The following SHANK2 variants were observed in gnomAD, a reference collection of about 807,000 sequenced individuals.
The protein encoded by SHANK2 is SH3 and multiple ankyrin repeat domains protein 2.
Under a neutral mutation model 133.7 loss-of-function variants are expected in SHANK2, and 43 were observed. The observed-to-expected ratio is 0.32, with a 90% CI of 0.25 to 0.41. The LOEUF (loss-of-function observed/expected upper bound fraction) is 0.41. SHANK2 is among the 10% of genes least tolerant of loss of function. The pLI, the probability that SHANK2 is intolerant of heterozygous loss-of-function variation, is 1.00. For synonymous variants in SHANK2, 1,017 were observed against 952.8 expected, an observed-to-expected ratio of 1.07 and a Z score of -1.24; for missense variants, 1,994 against 2,235.8, an observed-to-expected ratio of 0.89 and a Z score of 2.18.
chr11:70,572,188 C>T (rs1167924935), intron 17 of SHANK2, among the ~76,000 whole-genome samples: 1 of 152,266 alleles, frequency 6.6e-6, no homozygotes, highest in Non-Finnish European at 1.5e-5. Context: ...GAGACGGAGT[C>T]TCACTCTGTC....
At chr11:70,718,698 C>CTATTTTTTT (rs1348392187) in intron 14 of SHANK2, among the ~76,000 whole-genome samples, 1 of 80,910 alleles carries the variant, frequency 1.2e-5, no homozygotes, top group Non-Finnish European at 2.2e-5. Flanking sequence ...AGAGCTCATT[C>CTATTTTTTT]TCTTTTTTTT....
At chr11:70,904,387 C>A (rs892074572) in intron 10 of SHANK2, among the ~76,000 whole-genome samples, 5 of 152,170 alleles carry the variant, frequency 3.3e-5, no homozygotes, top group Non-Finnish European at 7.3e-5. Context: ...CACCCTCAGC[C>A]TCTGAGGAAC....
chr11:70,693,475 C>T (rs1329522366), intron 15 of SHANK2, among the ~76,000 whole-genome samples: 1 of 152,186 alleles, frequency 6.6e-6, no homozygotes, highest in African/African-American at 2.4e-5. Context: ...GTCACTTCTT[C>T]AGGGAGACAC....
rs541796535 is a variant in SHANK2, at chr11:71,205,528, C to T, written c.-13+19169G>A. 7.9e-5 allele frequency among the ~76,000 whole-genome samples: 12 copies of T among 152,320 alleles called. No homozygotes were observed. In the South Asian group the frequency reaches 1.7e-3, roughly 21 times the overall value. On this transcript the variant is annotated intron_variant, in intron 2 of 25. Transcript: ENST00000601538. ...GTGCCAGGAGACCCACGTGCCAGGA[C>T]GGAGAGTCCCCTTCAGCCTCCTTCC... is the stretch of plus-strand genomic sequence containing the variant.
In SHANK2 at chr11:70,558,784, C is replaced by T. The variant is rs374229226; in HGVS notation, c.2062-55853G>A. On this transcript the variant is annotated intron_variant, in intron 17 of 25. Transcript: ENST00000601538. ...AGAAAGACACACTGACGGCCCAGAGCGCAGGGATGAGGCAGCTACAGGAGA... is the reference window on the plus strand; with the variant it reads ...AGAAAGACACACTGACGGCCCAGAGTGCAGGGATGAGGCAGCTACAGGAGA... Among the ~76,000 whole-genome samples the T allele has an allele frequency of 8.7e-4, 132 of 152,262 alleles. 1 individual carries two copies. Among genetic ancestry groups the T allele is most frequent in the African/African-American group, 3.1e-3 (127 of 41,554 alleles).
intron 17 of SHANK2, among the ~76,000 whole-genome samples, chr11:70,655,898 C>T (rs1555011468): frequency 1.3e-5 from 2 of 152,182 alleles, no homozygotes; most frequent in Non-Finnish European, 2.9e-5. Flanking sequence ...ATGCCCAGCT[C>T]TCGCCTCATG....
intron 14 of SHANK2, among the ~76,000 whole-genome samples, chr11:70,782,332 C>T (rs1555045353): frequency 6.6e-6 from 1 of 152,248 alleles, no homozygotes; most frequent in African/African-American, 2.4e-5. Context: ...GCTGGGATTA[C>T]AGGCGTGAGC....
At chr11:70,682,589 A>G (rs1945051943) in intron 15 of SHANK2, among the ~76,000 whole-genome samples, 1 of 152,226 alleles carries the variant, frequency 6.6e-6, no homozygotes, top group Non-Finnish European at 1.5e-5. Flanking sequence ...CATTCTTTGA[A>G]TATCTTGAGA....
chr11:70,763,963 C>T (rs372740223), intron 14 of SHANK2, among the ~76,000 whole-genome samples: 4 of 152,230 alleles, frequency 2.6e-5, no homozygotes, highest in East Asian at 1.9e-4. Flanking sequence ...GAAATCATAC[C>T]ACATTAAACT....
chr11:70,500,189 A>G lies in SHANK2; in HGVS notation c.2308+381T>C, dbSNP rs1159141938. On this transcript the variant is annotated intron_variant, in intron 21 of 25. Transcript: ENST00000601538. This position sits in a 1 kb window ranked among gnomAD's most constrained non-coding sequence, Gnocchi z 4.5. ...GGGAATGGGTGATTTCCGGGCCTTA[A>G]AGGGAGGCAGTTCCTGCCCACCACA... Among the ~76,000 whole-genome samples the G allele has an allele frequency of 1.3e-5, 2 of 152,040 alleles. No homozygotes were observed. Among genetic ancestry groups the G allele is most frequent in the Admixed American group, 1.3e-4 (2 of 15,254 alleles).
intron 8 of SHANK2, among the ~76,000 whole-genome samples, chr11:71,076,335 G>T (rs1011687977): frequency 4.0e-4 from 61 of 152,224 alleles, no homozygotes; most frequent in African/African-American, 1.3e-3. Flanking sequence ...CCAGGAAGGG[G>T]TTCTCATGAA....
At chr11:70,645,443 C>T (rs781964985) in intron 17 of SHANK2, among the ~76,000 whole-genome samples, 10 of 152,100 alleles carry the variant, frequency 6.6e-5, no homozygotes, top group Non-Finnish European at 1.3e-4. Flanking sequence ...AAAAACTGAA[C>T]AACAAATCAG....
intron 20 of SHANK2, among the ~76,000 whole-genome samples, chr11:70,501,446 G>C (rs559377589): frequency 1.3e-5 from 2 of 152,232 alleles, no homozygotes; most frequent in South Asian, 2.1e-4. Context: ...GCGGGGGCTC[G>C]TTTCTGCGCC....
At chr11:71,141,827 T>C (rs1211217536) in intron 3 of SHANK2, among the ~76,000 whole-genome samples, 1 of 152,068 alleles carries the variant, frequency 6.6e-6, no homozygotes, top group Non-Finnish European at 1.5e-5. Flanking sequence ...CCATGCACTA[T>C]GCGAACCAAC....
chr11:70,899,243 C>T (rs370375838), intron 10 of SHANK2, among the ~76,000 whole-genome samples: 29 of 152,174 alleles, frequency 1.9e-4, no homozygotes, highest in African/African-American at 6.7e-4. Flanking sequence ...GTGGTTTCCC[C>T]GTGCTGTTCT....
intron 11 of SHANK2, among the ~76,000 whole-genome samples, chr11:70,839,171 G>A (rs1221560421): frequency 6.6e-6 from 1 of 152,230 alleles, no homozygotes; most frequent in African/African-American, 2.4e-5. Context: ...ATTCAGTAAA[G>A]TGGGGGAGAA....
intron 17 of SHANK2, among the ~76,000 whole-genome samples, chr11:70,593,136 G>C (rs2060349309): frequency 6.6e-6 from 1 of 152,176 alleles, no homozygotes; most frequent in Non-Finnish European, 1.5e-5. Context: ...TTTCCAACAT[G>C]AACGCACACT....
Position 70,787,573 on chromosome 11 carries a change from C to T in SHANK2, c.1777+10870G>A, listed in dbSNP as rs1270289253. 2.0e-5 allele frequency among the ~76,000 whole-genome samples: 3 copies of T among 152,092 alleles called. No homozygotes were observed. The East Asian group carries it at 5.8e-4, about 29-fold the overall frequency. ...TCACCATGACCATCACCATGACCAC[C>T]ACCACCAGCATCACTACCATCATCG... On this transcript the variant is annotated intron_variant, in intron 14 of 25. Coordinates refer to ENST00000601538, the MANE Select transcript of SHANK2 (RefSeq NM_012309.5).
intron 1 of SHANK2, among the ~76,000 whole-genome samples, chr11:71,248,430 C>CCGGG (rs1280154500): frequency 1.3e-5 from 2 of 152,218 alleles, no homozygotes; most frequent in Non-Finnish European, 2.9e-5. Context: ...CATTTAACCA[C>CCGGG]CGGGCGGTGT....
Sources: allele counts gnomAD v4.1 joint callset (sites outside exome capture counted in the v4.1 genomes callset), GRCh38; gene constraint gnomAD v4.1.1; non-coding constraint Gnocchi (gnomAD v3.1); transcripts MANE v1.5; gene names NCBI Gene and HGNC (gene_info 2026-07-23, HGNC 2026-07-21).